The following ADGRL3 variants were observed in gnomAD, a reference collection of about 807,000 sequenced individuals.
The protein encoded by ADGRL3 is calcium-independent alpha-latrotoxin receptor 3.
Under a neutral mutation model 153.5 loss-of-function variants are expected in ADGRL3, and 62 were observed. The ratio of observed to expected loss-of-function variants is 0.40; its 90% CI spans 0.33 to 0.50. ADGRL3 has a LOEUF of 0.50. Ranked by LOEUF, ADGRL3 falls within the 20% of genes least tolerant of loss-of-function variation. The probability of loss-of-function intolerance (pLI) is 0.47; values close to 1 mark genes in which losing one functional copy is unlikely to be tolerated. For synonymous variants in ADGRL3, 710 were observed against 672.5 expected (o/e 1.06, Z -0.86); for missense variants, 1,641 against 1,859.4 (o/e 0.88, Z 2.16).
intron 17 of ADGRL3, among the ~76,000 whole-genome samples, chr4:61,976,460 C>T (rs1339871558): frequency 6.6e-6 from 1 of 151,994 alleles, no homozygotes; most frequent in African/African-American, 2.4e-5. Flanking sequence ...CAAGTATCAC[C>T]TTGAATTGCA....
At chr4:61,606,144 A>C (rs1579814133) in intron 5 of ADGRL3, among the ~76,000 whole-genome samples, 1 of 152,172 alleles carries the variant, frequency 6.6e-6, no homozygotes, top group African/African-American at 2.4e-5. Context: ...AAGGGGTCAC[A>C]GTGCATTCTA....
At chr4:61,894,825 C>A (rs1414302486) in intron 10 of ADGRL3, among the ~76,000 whole-genome samples, 2 of 152,106 alleles carry the variant, frequency 1.3e-5, no homozygotes, top group African/African-American at 4.8e-5. Flanking sequence ...ATGTTTCTGC[C>A]AGAGATATCA....
Position 61,494,768 on chromosome 4 carries a change from A to G in ADGRL3, c.-173-2353A>G, listed in dbSNP as rs114350949. ...ATGAGCTTTGTTTCCCATAATATCA[A>G]TGAAATTAAAGAGAAAACTCTTTAT... is the stretch of plus-strand genomic sequence containing the variant. On this transcript the variant is annotated intron_variant, in intron 2 of 26. Coordinates refer to ENST00000683033, the MANE Select transcript of ADGRL3 (RefSeq NM_001387552.1). Among the ~76,000 whole-genome samples the G allele has an allele frequency of 9.2e-3, 1,397 of 152,212 alleles. 22 individuals carry two copies. Among genetic ancestry groups the G allele is most frequent in the African/African-American group, 0.032 (1,333 of 41,542 alleles).
intron 3 of ADGRL3, among the ~76,000 whole-genome samples, chr4:61,513,412 C>A (rs2098474155): frequency 6.6e-6 from 1 of 152,074 alleles, no homozygotes. Flanking sequence ...TTTAAAAACT[C>A]ATTATTTTTC....
At chr4:61,290,995 G>C (rs939804480) in intron 1 of ADGRL3, among the ~76,000 whole-genome samples, 2 of 151,878 alleles carry the variant, frequency 1.3e-5, no homozygotes, top group African/African-American at 4.8e-5. Context: ...AGTCACTTGT[G>C]GTCACTAGTG....
chr4:61,828,571 G>T lies in ADGRL3; in HGVS notation c.1480+14682G>T, dbSNP rs566069924. 1.5e-3 allele frequency among the ~76,000 whole-genome samples: 235 copies of T among 152,074 alleles called. 1 individual carries two copies. Among genetic ancestry groups the T allele is most frequent in the African/African-American group, 5.3e-3 (218 of 41,502 alleles). On this transcript the variant is annotated intron_variant, in intron 9 of 26. Coordinates refer to ENST00000683033, the MANE Select transcript of ADGRL3 (RefSeq NM_001387552.1). ...GTTTAAAAATCATCCCACCCTCCTCGCAAAAATCTGCAATATTATTTTTCT... is the reference window on the plus strand; with the variant it reads ...GTTTAAAAATCATCCCACCCTCCTCTCAAAAATCTGCAATATTATTTTTCT...
At chr4:61,483,758 T>G (rs1165108636) in intron 2 of ADGRL3, among the ~76,000 whole-genome samples, 1 of 151,654 alleles carries the variant, frequency 6.6e-6, no homozygotes, top group Admixed American at 6.6e-5. Context: ...AAATAAATTA[T>G]AAAATTTTGA....
At chr4:61,577,833 A>G (rs889879424) in intron 4 of ADGRL3, among the ~76,000 whole-genome samples, 48 of 151,340 alleles carry the variant, frequency 3.2e-4, no homozygotes, top group African/African-American at 1.1e-3. Context: ...AGAAAAAAAA[A>G]GGGTAATGAC....
At chr4:61,643,167 A>T (rs1310806633) in intron 5 of ADGRL3, among the ~76,000 whole-genome samples, 1 of 152,128 alleles carries the variant, frequency 6.6e-6, no homozygotes, top group African/African-American at 2.4e-5. Context: ...GAAGTTGCTT[A>T]TCAGCTTAAG....
chr4:61,972,927 C>T (rs939640087), intron 17 of ADGRL3, among the ~76,000 whole-genome samples: 1 of 151,718 alleles, frequency 6.6e-6, no homozygotes, highest in African/African-American at 2.4e-5. Context: ...TAATTATTGG[C>T]AAGCAGTTGA....
chr4:61,292,085 A>C (rs533902257), intron 1 of ADGRL3, among the ~76,000 whole-genome samples: 144 of 151,726 alleles, frequency 9.5e-4, no homozygotes, highest in Non-Finnish European at 1.7e-3. Flanking sequence ...CTGCTCATTG[A>C]TGGTATAAGG....
intron 5 of ADGRL3, among the ~76,000 whole-genome samples, chr4:61,646,559 A>G (rs1425217915): frequency 1.4e-5 from 2 of 147,464 alleles, no homozygotes; most frequent in East Asian, 1.9e-4. Context: ...GTCTGCCCGT[A>G]CTGAGGGGTG....
intron 1 of ADGRL3, among the ~76,000 whole-genome samples, chr4:61,281,859 G>A (rs950089050): frequency 1.3e-5 from 2 of 151,998 alleles, no homozygotes; most frequent in Non-Finnish European, 2.9e-5. Context: ...AGTTTTTAAA[G>A]TTTAGAAAGT....
chr4:61,979,315 T>C (rs2099059250), intron 17 of ADGRL3, among the ~76,000 whole-genome samples: 1 of 152,198 alleles, frequency 6.6e-6, no homozygotes, highest in Non-Finnish European at 1.5e-5. Context: ...CTGAAAATGC[T>C]TGTAGCTAAG....
intron 5 of ADGRL3, among the ~76,000 whole-genome samples, chr4:61,667,636 T>G (rs1028680374): frequency 6.6e-6 from 1 of 152,206 alleles, no homozygotes; most frequent in East Asian, 1.9e-4. Flanking sequence ...CATTCCAATT[T>G]CCATAAAATG....
chr4:61,474,875 C>T (rs1044311336), intron 2 of ADGRL3, among the ~76,000 whole-genome samples: 4 of 152,038 alleles, frequency 2.6e-5, no homozygotes, highest in Non-Finnish European at 4.4e-5. Flanking sequence ...TAAATCATTT[C>T]CCCCACAAGA....
chr4:62,015,636 T>G (rs1240040338), intron 21 of ADGRL3, among the ~76,000 whole-genome samples: 1 of 152,178 alleles, frequency 6.6e-6, no homozygotes, highest in African/African-American at 2.4e-5. Context: ...TTGCCAGATC[T>G]CCCATTCTGT....
intron 2 of ADGRL3, among the ~76,000 whole-genome samples, chr4:61,425,835 G>A (rs34977498): frequency 0.39 from 59,853 of 152,178 alleles, 12,326 homozygotes; most frequent in Middle Eastern, 0.58. Context: ...TGGGGCTATG[G>A]TAGCCAACCA....
intron 2 of ADGRL3, among the ~76,000 whole-genome samples, chr4:61,492,622 G>A (rs1579159716): frequency 6.6e-6 from 1 of 152,158 alleles, no homozygotes; most frequent in Admixed American, 6.5e-5. Context: ...CAAGATGAAA[G>A]TTTCCAGAAA....
Sources: gnomAD v4.1 joint callset for allele counts (sites outside exome capture counted in the v4.1 genomes callset) on GRCh38, gnomAD v4.1.1 for gene constraint, MANE v1.5 for transcripts, NCBI Gene and HGNC (gene_info 2026-07-23, HGNC 2026-07-21) for gene names.